ROBO2: variants seen among roughly 807,000 people sequenced by gnomAD.
The protein encoded by ROBO2 is roundabout guidance receptor 2.
In ROBO2, 53 loss-of-function variants were observed where a neutral mutation model predicts 160.8. The ratio of observed to expected loss-of-function variants is 0.33; its 90% confidence interval spans 0.26 to 0.41. The LOEUF is 0.41. Ranked by LOEUF, ROBO2 falls within the 10% of genes least tolerant of loss-of-function variation. The pLI is 1.00. For synonymous variants in ROBO2, 664 were observed against 611.7 expected, an observed-to-expected ratio of 1.09 and a Z score of -1.26; for missense variants, 1,577 against 1,722.4, an observed-to-expected ratio of 0.92 and a Z score of 1.49.
At chr3:77,648,390 G>A (rs2095426757) in exon 26 of ROBO2, 2 of 152,140 alleles carry the variant, frequency 1.3e-5, no homozygotes, top group Non-Finnish European at 2.9e-5. Flanking sequence ...AGGCTTCAAA[G>A]TGAAGTATGT....
intron 2 of ROBO2, among the ~76,000 whole-genome samples, chr3:76,393,067 C>G (rs1384087035): frequency 6.6e-6 from 1 of 152,160 alleles, no homozygotes; most frequent in East Asian, 1.9e-4. Flanking sequence ...AAGTATCAAA[C>G]AGGTGACAGC....
intron 2 of ROBO2, among the ~76,000 whole-genome samples, chr3:76,888,420 AGC>A (rs1445042812): frequency 2.5e-3 from 376 of 152,330 alleles, no homozygotes; most frequent in African/African-American, 8.7e-3. Context: ...GGTGAACATC[AGC>A]AGGCCCAGGC....
chr3:76,836,673 A>T (rs1359049484), intron 2 of ROBO2, among the ~76,000 whole-genome samples: 1 of 151,744 alleles, frequency 6.6e-6, no homozygotes, highest in African/African-American at 2.4e-5. Context: ...ATTTTCAAAT[A>T]TTTGGGAATT....
At chr3:77,540,599 G>A (rs2092417201) in intron 6 of ROBO2, among the ~76,000 whole-genome samples, 2 of 152,012 alleles carry the variant, frequency 1.3e-5, no homozygotes, top group Admixed American at 6.6e-5. Context: ...GGGAGGGAGA[G>A]CATCAGGAAA....
At chr3:77,367,919 T>G (rs892365280) in intron 2 of ROBO2, among the ~76,000 whole-genome samples, 1 of 151,362 alleles carries the variant, frequency 6.6e-6, no homozygotes, top group African/African-American at 2.5e-5. Context: ...AGTTTTCGGA[T>G]GTGAGTTTCG....
At chr3:76,913,336 A>G (rs1410005572) in intron 2 of ROBO2, among the ~76,000 whole-genome samples, 2 of 152,148 alleles carry the variant, frequency 1.3e-5, no homozygotes, top group Non-Finnish European at 2.9e-5. Flanking sequence ...TACTCGTGAA[A>G]GCCTGCAAGC....
At chr3:76,885,482 A>C (rs540737412) in intron 2 of ROBO2, among the ~76,000 whole-genome samples, 1 of 152,310 alleles carries the variant, frequency 6.6e-6, no homozygotes, top group East Asian at 1.9e-4. Context: ...TATACGTTTT[A>C]TCATAATTTA....
intron 2 of ROBO2, among the ~76,000 whole-genome samples, chr3:76,626,106 TTAAGAA>T (rs1480708357): frequency 6.6e-6 from 1 of 152,148 alleles, no homozygotes; most frequent in African/African-American, 2.4e-5. Context: ...GCAGAAGACT[TTAAGAA>T]TAAGATAATT....
chr3:76,252,817 T>G (rs916501266), intron 2 of ROBO2, among the ~76,000 whole-genome samples: 29 of 151,764 alleles, frequency 1.9e-4, no homozygotes, highest in African/African-American at 6.8e-4. Flanking sequence ...TTGCTTTGTT[T>G]TTTTTTGAAG....
At chr3:76,372,053 G>C (rs192260095) in intron 2 of ROBO2, among the ~76,000 whole-genome samples, 1 of 151,704 alleles carries the variant, frequency 6.6e-6, no homozygotes, top group African/African-American at 2.4e-5. Context: ...ATTTCTTTCT[G>C]TTACTATTAG....
At chr3:77,127,664 A>G (rs2075464923) in intron 2 of ROBO2, among the ~76,000 whole-genome samples, 1 of 152,188 alleles carries the variant, frequency 6.6e-6, no homozygotes, top group African/African-American at 2.4e-5. Context: ...TTTCTAAGGT[A>G]GTGTCTTTCC....
chr3:76,347,863 C>T lies in ROBO2; in HGVS notation c.109+410261C>T, dbSNP rs1490921861. On this transcript the variant is annotated intron_variant, in intron 2 of 26. Transcript: ENST00000487694. Reference sequence around the variant, plus strand: ...CCCAAACATCATACTATATATTAAGCAATCTAATGTTTAAAATAGTATTTA... The same window carrying T: ...CCCAAACATCATACTATATATTAAGTAATCTAATGTTTAAAATAGTATTTA... Among the ~76,000 whole-genome samples, 7 of 152,138 alleles carry T rather than the reference C, an allele frequency of 4.6e-5. No individual in the cohort carries two copies. In the South Asian group the frequency reaches 8.3e-4, roughly 18 times the overall value.
At chr3:76,193,415 G>T (rs951723907) in intron 2 of ROBO2, among the ~76,000 whole-genome samples, 2 of 152,098 alleles carry the variant, frequency 1.3e-5, no homozygotes, top group East Asian at 1.9e-4. Flanking sequence ...TTCTCCCAGT[G>T]AATGGTACTA....
At chr3:76,031,938 T>C (rs1041464561) in intron 2 of ROBO2, among the ~76,000 whole-genome samples, 2 of 152,330 alleles carry the variant, frequency 1.3e-5, no homozygotes, top group Non-Finnish European at 2.9e-5. Flanking sequence ...TCAGAAGGAA[T>C]GGTACCAGCT....
At chr3:76,416,453 C>T (rs1279412771) in intron 2 of ROBO2, among the ~76,000 whole-genome samples, 1 of 152,016 alleles carries the variant, frequency 6.6e-6, no homozygotes, top group Non-Finnish European at 1.5e-5. Context: ...CATCAGAAGA[C>T]ACTAAAAATA....
chr3:76,172,573 C>G (rs1390775113), intron 2 of ROBO2, among the ~76,000 whole-genome samples: 1 of 151,910 alleles, frequency 6.6e-6, no homozygotes, highest in Non-Finnish European at 1.5e-5. Context: ...CCTAGATTCT[C>G]AAACTTAATA....
At chr3:76,651,287 A>G (rs1456480337) in intron 2 of ROBO2, among the ~76,000 whole-genome samples, 1 of 152,082 alleles carries the variant, frequency 6.6e-6, no homozygotes, top group Non-Finnish European at 1.5e-5. Flanking sequence ...AAGCGTCCGA[A>G]GGTGGTGATC....
intron 2 of ROBO2, among the ~76,000 whole-genome samples, chr3:77,123,027 G>A (rs1266843270): frequency 6.6e-6 from 1 of 152,068 alleles, no homozygotes; most frequent in Non-Finnish European, 1.5e-5. Flanking sequence ...GAGAAGAATG[G>A]AGAGGAATCA....
intron 2 of ROBO2, among the ~76,000 whole-genome samples, chr3:76,151,825 A>G (rs1179419010): frequency 3.3e-5 from 5 of 152,136 alleles, no homozygotes; most frequent in African/African-American, 9.7e-5. Context: ...CATCATCATC[A>G]TCATCATCGG....
Sources: allele counts gnomAD v4.1 joint callset (sites outside exome capture counted in the v4.1 genomes callset), GRCh38; gene constraint gnomAD v4.1.1; transcripts MANE v1.5; gene names NCBI Gene and HGNC (gene_info 2026-07-23, HGNC 2026-07-21).